The following CDK19 variants were observed in gnomAD, a reference collection of about 807,000 sequenced individuals.
CDK19 encodes cyclin-dependent kinase 19.
A neutral mutation model predicts 68.3 loss-of-function variants in CDK19; 20 were observed. The observed-to-expected ratio is 0.29, with a 90% CI of 0.21 to 0.43. The LOEUF is 0.43. CDK19 is among the 20% of genes least tolerant of loss of function. The pLI, the probability that CDK19 is intolerant of heterozygous loss-of-function variation, is 1.00. For synonymous variants in CDK19, 221 were observed against 222.8 expected, an observed-to-expected ratio of 0.99 and a Z score of 0.07; for missense variants, 339 against 623.5, an observed-to-expected ratio of 0.54 and a Z score of 4.86.
chr6:110,744,554 A>T (rs977366748), intron 2 of CDK19, among the ~76,000 whole-genome samples: 3 of 152,158 alleles, frequency 2.0e-5, no homozygotes, highest in African/African-American at 7.2e-5. Flanking sequence ...TAAAAATAAA[A>T]GTAACACAAA....
At chr6:110,728,463 A>T (rs538595939) in intron 2 of CDK19, among the ~76,000 whole-genome samples, 25 of 151,944 alleles carry the variant, frequency 1.6e-4, no homozygotes, top group Non-Finnish European at 3.2e-4. Context: ...GTTTTTTTCC[A>T]CTTCTGTCTA....
chr6:110,692,156 T>C (rs1219998745), intron 2 of CDK19, among the ~76,000 whole-genome samples: 4 of 151,402 alleles, frequency 2.6e-5, no homozygotes, highest in Admixed American at 2.6e-4. Context: ...TAGCTGGGCA[T>C]GGTGGTGAGC....
chr6:110,670,955 GTATTAATACT>G, intron 2 of CDK19, among the ~76,000 whole-genome samples: 1 of 152,132 alleles, frequency 6.6e-6, no homozygotes, highest in Non-Finnish European at 1.5e-5. Context: ...CAGGACTCAT[GTATTAATACT>G]GCTTATATCT....
At chr6:110,673,628 CACA>C (rs1771209824) in intron 2 of CDK19, among the ~76,000 whole-genome samples, 1 of 151,872 alleles carries the variant, frequency 6.6e-6, no homozygotes, top group African/African-American at 2.4e-5. Context: ...TCAGAATACA[CACA>C]ACATTTATAG....
intron 2 of CDK19, among the ~76,000 whole-genome samples, chr6:110,716,430 A>G (rs969043888): frequency 1.3e-5 from 2 of 152,100 alleles, no homozygotes; most frequent in African/African-American, 4.8e-5. Flanking sequence ...GTAACAAAGA[A>G]AAAAAAACCT....
chr6:110,712,129 T>A (rs1481958465), intron 2 of CDK19, among the ~76,000 whole-genome samples: 5 of 152,214 alleles, frequency 3.3e-5, no homozygotes, highest in Non-Finnish European at 5.9e-5. Context: ...GACAGGCTAC[T>A]CCTCCTGTAA....
intron 1 of CDK19, among the ~76,000 whole-genome samples, chr6:110,809,022 C>T (rs1171919188): frequency 1.3e-5 from 2 of 149,398 alleles, no homozygotes; most frequent in South Asian, 4.2e-4. Flanking sequence ...CTGGCTAACA[C>T]GGGGAAACCC....
At chr6:110,680,384 G>T (rs1454459048) in intron 2 of CDK19, among the ~76,000 whole-genome samples, 1 of 152,154 alleles carries the variant, frequency 6.6e-6, no homozygotes, top group Non-Finnish European at 1.5e-5. Context: ...GGACACAGGG[G>T]AACACAAGTG....
rs1404541612 is a variant in CDK19 at position 110,613,636 on chromosome 6, A to G, written c.*899T>C. The G allele has an allele frequency of 6.6e-6, 1 of 152,604 alleles. No individual in the cohort carries two copies. The highest frequency in any genetic ancestry group is 1.5e-5 in the Non-Finnish European group (1 of 68,036). The allele number at this position is 152,604 out of a possible 1,614,324, so 9.5% of individuals were successfully genotyped here. ...AACTTTTCCTTCAAAGGGAAGTAAC[A>G]CGTCTTTTGATCAAAATTACTCCTT... On this transcript the variant is annotated 3_prime_UTR_variant, in exon 13 of 13. Transcript: ENST00000368911.
At chr6:110,667,303 T>G in intron 4 of CDK19, 131 bp downstream of exon 4, 1 of 580,388 alleles carries the variant, frequency 1.7e-6, no homozygotes, top group Non-Finnish European at 2.9e-6. Context: ...ATTTTTATCT[T>G]CTTTTTTGCT....
intron 2 of CDK19, among the ~76,000 whole-genome samples, chr6:110,707,039 G>A (rs890008779): frequency 2.0e-5 from 3 of 148,906 alleles, no homozygotes; most frequent in South Asian, 2.1e-4. Flanking sequence ...AGCCGGGCAC[G>A]GTGGCTCACA....
chr6:110,677,888 C>A (rs534681412), intron 2 of CDK19, among the ~76,000 whole-genome samples: 1 of 152,274 alleles, frequency 6.6e-6, no homozygotes, highest in South Asian at 2.1e-4. Context: ...CTCACTTTGT[C>A]TCCTAGGCTG....
In CDK19 at chr6:110,622,898, C is replaced by G; in HGVS notation, c.948G>C (p.Leu316=). Residue 316 remains leucine, a synonymous_variant, in exon 10 of 13, where the codon CTG becomes CTC. Transcript: ENST00000368911. ...SKVFLLLQKL[L]TMDPTKRITS... ...TAATTCTCTTGGTTGGATCCATGGT[C>G]AGGAGTTTCTGAAGCTAGAGTGACA... 1 of 1,611,856 alleles carries G rather than the reference C, an allele frequency of 6.2e-7. No homozygotes were observed. The highest frequency in any genetic ancestry group is 8.5e-7 in the Non-Finnish European group (1 of 1,177,968).
intron 2 of CDK19, among the ~76,000 whole-genome samples, chr6:110,707,798 C>A (rs1263121488): frequency 2.0e-5 from 3 of 151,870 alleles, no homozygotes; most frequent in Non-Finnish European, 4.4e-5. Flanking sequence ...ATGGTGAAAC[C>A]CCATGTCTAC....
chr6:110,786,092 G>A lies in CDK19; in HGVS notation c.128+28917C>T, dbSNP rs117016881. On this transcript the variant is annotated intron_variant, in intron 1 of 12. Coordinates refer to ENST00000368911, the MANE Select transcript of CDK19 (RefSeq NM_015076.5). ...TTGGTATGGTACCATTCCTTCTTCC[G>A]TCTGCTTTAGTTTCAGTGTCTGTAT... is the stretch of plus-strand genomic sequence containing the variant. 1.3e-3 allele frequency among the ~76,000 whole-genome samples: 201 copies of A among 151,834 alleles called. 2 individuals carry two copies. In the East Asian group the frequency reaches 0.023, roughly 18 times the overall value.
At chr6:110,743,151 C>A (rs985995942) in intron 2 of CDK19, among the ~76,000 whole-genome samples, 1 of 152,136 alleles carries the variant, frequency 6.6e-6, no homozygotes, top group Non-Finnish European at 1.5e-5. Flanking sequence ...CCCAATAAAA[C>A]AATAATTATA....
intron 1 of CDK19, among the ~76,000 whole-genome samples, chr6:110,762,822 A>T (rs944884477): frequency 2.0e-5 from 3 of 152,226 alleles, no homozygotes; most frequent in Non-Finnish European, 4.4e-5. Context: ...CAGCACTTGA[A>T]ATTATTCTTA....
intron 1 of CDK19, among the ~76,000 whole-genome samples, chr6:110,811,344 T>C (rs889340584): frequency 6.6e-6 from 1 of 152,214 alleles, no homozygotes; most frequent in Admixed American, 6.5e-5. Context: ...TATGTAGTCA[T>C]CAACCACTCA....
At chr6:110,666,764 A>C (rs2114412009) in intron 4 of CDK19, among the ~76,000 whole-genome samples, 1 of 152,344 alleles carries the variant, frequency 6.6e-6, no homozygotes, top group African/African-American at 2.4e-5. Flanking sequence ...GGAGAAAATG[A>C]GGATTACAGC....
Sources: gnomAD v4.1 joint callset for allele counts (sites outside exome capture counted in the v4.1 genomes callset) on GRCh38, gnomAD v4.1.1 for gene constraint, MANE v1.5 for transcripts, NCBI Gene and HGNC (gene_info 2026-07-23, HGNC 2026-07-21) for gene names.